The following RHOBTB1 variants were observed in gnomAD, a reference collection of about 807,000 sequenced individuals.
The protein encoded by RHOBTB1 is Rho related BTB domain containing 1.
Under a neutral mutation model 71.6 loss-of-function variants are expected in RHOBTB1, and 40 were observed. The ratio of observed to expected loss-of-function variants is 0.56; its 90% CI spans 0.43 to 0.73. The LOEUF is 0.73. RHOBTB1 is among the 30% of genes least tolerant of loss of function. The probability of loss-of-function intolerance (pLI) is 0.00; values close to 1 mark genes in which losing one functional copy is unlikely to be tolerated. For missense variants in RHOBTB1, 797 were observed against 894.0 expected (o/e 0.89, Z 1.38); for synonymous variants, 319 against 334.9 (o/e 0.95, Z 0.52).
At chr10:60,988,024 C>A (rs1212848793) in intron 1 of RHOBTB1, among the ~76,000 whole-genome samples, 1 of 143,900 alleles carries the variant, frequency 6.9e-6, no homozygotes, top group Non-Finnish European at 1.5e-5. Flanking sequence ...AGCTGTGCCT[C>A]CTGGGTACGC....
chr10:60,876,107 A>C (rs901253423), intron 8 of RHOBTB1, among the ~76,000 whole-genome samples: 8 of 152,212 alleles, frequency 5.3e-5, no homozygotes, highest in African/African-American at 1.9e-4. Flanking sequence ...ACTATTTGGA[A>C]CTAAATTTCC....
intron 4 of RHOBTB1, among the ~76,000 whole-genome samples, chr10:60,904,532 CT>C (rs965696404): frequency 2.0e-5 from 3 of 152,126 alleles, no homozygotes; most frequent in Non-Finnish European, 2.9e-5. Flanking sequence ...AGTATGTGCT[CT>C]TTTTTGCTTG....
chr10:60,979,040 T>C (rs1335996545), intron 2 of RHOBTB1, among the ~76,000 whole-genome samples: 1 of 152,180 alleles, frequency 6.6e-6, no homozygotes, highest in Non-Finnish European at 1.5e-5. Flanking sequence ...TGGTCATAAA[T>C]TATATTTATG....
At chr10:60,989,846 G>C (rs946026050) in intron 1 of RHOBTB1, among the ~76,000 whole-genome samples, 1 of 152,092 alleles carries the variant, frequency 6.6e-6, no homozygotes, top group Non-Finnish European at 1.5e-5. Flanking sequence ...GCACTGCTTC[G>C]TGACATTTAT....
intron 7 of RHOBTB1, among the ~76,000 whole-genome samples, chr10:60,878,690 G>A (rs1367259771): frequency 6.6e-6 from 1 of 152,232 alleles, no homozygotes; most frequent in Non-Finnish European, 1.5e-5. Flanking sequence ...GGGACTTCCA[G>A]GGGAGTATGA....
At chr10:60,911,661 G>A in intron 2 of RHOBTB1, 109 bp from the exon 3 acceptor site, 1 of 830,292 alleles carries the variant, frequency 1.2e-6, no homozygotes. Context: ...TTCCTTGGAG[G>A]TGCACAAGCA....
chr10:60,863,545 T>A, the RHOBTB1 span, among the ~76,000 whole-genome samples: 1 of 152,096 alleles, frequency 6.6e-6, no homozygotes, highest in Non-Finnish European at 1.5e-5. Flanking sequence ...ATCCCCTTTT[T>A]TTTTTGAGAT....
chr10:60,900,941 G>C lies in RHOBTB1; in HGVS notation c.297-7946C>G, dbSNP rs528113740. 5.3e-5 allele frequency among the ~76,000 whole-genome samples: 8 copies of C among 152,162 alleles called. No homozygotes were observed. The East Asian group carries it at 1.5e-3, about 29-fold the overall frequency. ...GTAATTGGATAATTTCATAACATCAGAATAATAATGCATTAATAATTTCTT... is the reference window on the plus strand; with the variant it reads ...GTAATTGGATAATTTCATAACATCACAATAATAATGCATTAATAATTTCTT... On this transcript the variant is annotated intron_variant, in intron 4 of 10. Coordinates refer to ENST00000337910, the MANE Select transcript of RHOBTB1 (RefSeq NM_014836.5).
intron 6 of RHOBTB1, among the ~76,000 whole-genome samples, chr10:60,887,319 C>T (rs1386228574): frequency 3.3e-5 from 5 of 152,182 alleles, no homozygotes; most frequent in Non-Finnish European, 7.3e-5. Flanking sequence ...GAACCACTTA[C>T]TAAATGTGTA....
upstream of RHOBTB1, among the ~76,000 whole-genome samples, chr10:60,947,280 C>G (rs1308537040): frequency 6.6e-6 from 1 of 152,018 alleles, no homozygotes; most frequent in Non-Finnish European, 1.5e-5. Context: ...AAAATGGTAC[C>G]TAAATGGAAT....
chr10:60,888,529 C>A lies in RHOBTB1; in HGVS notation c.1139G>T (p.Gly380Val). Residue 380 changes from glycine (G) to valine (V), a missense_variant, in exon 6 of 11, where the codon GGC becomes GTC. Physicochemically the swap from Gly to Val is moderately radical, Grantham distance 109. This residue lies in a region of RHOBTB1 where 658 missense variants were observed against 681.5 expected (regional missense o/e 0.97). Coordinates refer to ENST00000337910, the MANE Select transcript of RHOBTB1 (RefSeq NM_014836.5). ...GTTGACTTGCATTTCCCTGTGCATG[C>A]CAATGAACCCCTTACTCCATCCGGT... ...TLTGWSKGFI[G>V]MHREMQVNPI... 6.2e-7 allele frequency: 1 copy of A among 1,614,174 alleles called. No individual in the cohort carries two copies. The highest frequency in any genetic ancestry group is 1.7e-5 in the Admixed American group (1 of 60,026).
chr10:60,905,739 A>G (rs1048855223), intron 4 of RHOBTB1, among the ~76,000 whole-genome samples: 13 of 152,068 alleles, frequency 8.5e-5, no homozygotes, highest in African/African-American at 3.1e-4. Context: ...TTGCCATCCT[A>G]ACATCATCAT....
intron 2 of RHOBTB1, among the ~76,000 whole-genome samples, chr10:60,927,797 G>A (rs2083977481): frequency 6.6e-6 from 1 of 152,130 alleles, no homozygotes; most frequent in Admixed American, 6.5e-5. Context: ...CTAGGACATT[G>A]GGCTGGACAA....
intron 1 of RHOBTB1, among the ~76,000 whole-genome samples, chr10:60,991,408 G>C (rs2086861743): frequency 1.3e-5 from 2 of 150,368 alleles, no homozygotes; most frequent in Admixed American, 6.7e-5. Context: ...CTGCACTCCA[G>C]ACAGTGTGGC....
intron 2 of RHOBTB1, among the ~76,000 whole-genome samples, chr10:60,940,387 G>A (rs760724193): frequency 2.6e-5 from 4 of 152,158 alleles, no homozygotes; most frequent in Non-Finnish European, 5.9e-5. Flanking sequence ...ACAGAAGAGA[G>A]AGAAGCCTGT....
At chr10:60,971,441 G>A (rs1007826366) in intron 2 of RHOBTB1, among the ~76,000 whole-genome samples, 32 of 152,050 alleles carry the variant, frequency 2.1e-4, no homozygotes, top group African/African-American at 7.7e-4. Context: ...ACAAGCAATG[G>A]GGAAAGGATT....
At chr10:60,930,014 C>A (rs1017856096) in intron 2 of RHOBTB1, among the ~76,000 whole-genome samples, 2 of 151,924 alleles carry the variant, frequency 1.3e-5, no homozygotes, top group African/African-American at 4.8e-5. Context: ...TCTCTGGCTG[C>A]AAAGAAGTAA....
intron 4 of RHOBTB1, among the ~76,000 whole-genome samples, chr10:60,900,911 C>A (rs1034637381): frequency 6.6e-6 from 1 of 151,920 alleles, no homozygotes; most frequent in African/African-American, 2.4e-5. Flanking sequence ...ATCTCTTTAC[C>A]CCATGTAATT....
chr10:60,906,513 T>C (rs2082684943), intron 4 of RHOBTB1, among the ~76,000 whole-genome samples: 1 of 152,222 alleles, frequency 6.6e-6, no homozygotes, highest in Non-Finnish European at 1.5e-5. Flanking sequence ...GGGGAAGATA[T>C]GGGCTTTGGA....
Sources: gnomAD v4.1 joint callset for allele counts (sites outside exome capture counted in the v4.1 genomes callset) on GRCh38, gnomAD v4.1.1 for gene constraint, gnomAD v4.1.1 regional missense constraint, MANE v1.5 for transcripts, NCBI Gene and HGNC (gene_info 2026-07-23, HGNC 2026-07-21) for gene names.